Variants in PRELID2 observed in about 807,000 individuals in gnomAD.
PRELID2 encodes PRELI domain-containing protein 2.
In PRELID2, 25 loss-of-function variants were observed where a neutral mutation model predicts 28.4. That is an observed-to-expected ratio of 0.88 (90% CI 0.64 to 1.23). The LOEUF is 1.23. Ranked by LOEUF, PRELID2 falls within the 50% of genes most tolerant of loss-of-function variation. The probability of loss-of-function intolerance (pLI) is 0.00; values close to 1 mark genes in which losing one functional copy is unlikely to be tolerated. For missense variants in PRELID2, 201 were observed against 214.4 expected, an observed-to-expected ratio of 0.94 and a Z score of 0.39; for synonymous variants, 76 against 71.6, an observed-to-expected ratio of 1.06 and a Z score of -0.31.
chr5:145,803,607 A>G (rs968199225), intron 4 of PRELID2, among the ~76,000 whole-genome samples: 5 of 152,146 alleles, frequency 3.3e-5, no homozygotes, highest in African/African-American at 4.8e-5. Context: ...ACAAGGTTGA[A>G]TAAGGCAATA....
At chr5:145,819,853 C>T (rs893826114) in intron 3 of PRELID2, 92 bp downstream of exon 3, 41 of 805,674 alleles carry the variant, frequency 5.1e-5, no homozygotes, top group East Asian at 4.1e-4. Context: ...AAGTTTCTAA[C>T]GCTCCTTTAC....
chr5:145,376,656 C>T, the PRELID2 span, among the ~76,000 whole-genome samples: 24 of 152,122 alleles, frequency 1.6e-4, no homozygotes, highest in African/African-American at 5.8e-4. Context: ...TCCATTTCTT[C>T]TAGAGTTTTT....
intron 1 of PRELID2, among the ~76,000 whole-genome samples, chr5:145,747,443 C>T (rs1480731347): frequency 6.6e-6 from 1 of 152,054 alleles, no homozygotes; most frequent in Non-Finnish European, 1.5e-5. Context: ...GGATACATTC[C>T]TGGACACATA....
intron 6 of PRELID2, among the ~76,000 whole-genome samples, chr5:145,764,616 G>A (rs1757634331): frequency 6.6e-6 from 1 of 152,084 alleles, no homozygotes; most frequent in Non-Finnish European, 1.5e-5. Context: ...AAAACATTAA[G>A]CCTCAGTTAA....
At chr5:145,284,286 G>C in the PRELID2 span, among the ~76,000 whole-genome samples, 4 of 151,828 alleles carry the variant, frequency 2.6e-5, no homozygotes, top group Admixed American at 2.6e-4. Flanking sequence ...TTGCTTTTTT[G>C]TTTGTTTTCT....
chr5:145,580,909 C>T (rs932564119), intron 1 of PRELID2, among the ~76,000 whole-genome samples: 6 of 152,042 alleles, frequency 3.9e-5, no homozygotes, highest in Admixed American at 1.3e-4. Flanking sequence ...CTGCTTGAAA[C>T]CTTTCAATGA....
intron 1 of PRELID2, among the ~76,000 whole-genome samples, chr5:145,486,898 A>G (rs1752222895): frequency 6.7e-6 from 1 of 149,534 alleles, no homozygotes; most frequent in African/African-American, 2.5e-5. Flanking sequence ...ACACCATGGA[A>G]TACTATGCAG....
intron 4 of PRELID2, among the ~76,000 whole-genome samples, chr5:145,811,160 G>C (rs1021970670): frequency 7.1e-6 from 1 of 140,032 alleles, no homozygotes; most frequent in African/African-American, 2.6e-5. Context: ...ATCAGATCTC[G>C]TGAAACTTAT....
At chr5:145,781,561 T>C (rs1037774953) in intron 5 of PRELID2, among the ~76,000 whole-genome samples, 1 of 149,952 alleles carries the variant, frequency 6.7e-6, no homozygotes, top group African/African-American at 2.4e-5. Context: ...TATTTATATT[T>C]TTATATATGT....
chr5:145,507,724 T>A (rs1443129425), intron 1 of PRELID2, among the ~76,000 whole-genome samples: 3 of 152,144 alleles, frequency 2.0e-5, no homozygotes, highest in African/African-American at 7.2e-5. Flanking sequence ...CCGACAAGAC[T>A]GTCTCCACAT....
intron 1 of PRELID2, among the ~76,000 whole-genome samples, chr5:145,705,048 CG>C (rs1755508266): frequency 6.6e-6 from 1 of 152,086 alleles, no homozygotes; most frequent in Non-Finnish European, 1.5e-5. Context: ...AGGTGGTTTC[CG>C]TTACTTGCAA....
chr5:145,274,008 A>C, the PRELID2 span, among the ~76,000 whole-genome samples: 1 of 152,146 alleles, frequency 6.6e-6, no homozygotes, highest in Non-Finnish European at 1.5e-5. Flanking sequence ...CGTGATGAGG[A>C]TGGAGAGGTA....
intron 1 of PRELID2, among the ~76,000 whole-genome samples, chr5:145,635,645 T>G (rs530906611): frequency 1.3e-5 from 2 of 152,330 alleles, no homozygotes; most frequent in African/African-American, 4.8e-5. Context: ...TTTGGCCACT[T>G]TGAGTGTGCA....
At chr5:145,779,074 CT>C (rs1198240822) in intron 5 of PRELID2, among the ~76,000 whole-genome samples, 1 of 152,176 alleles carries the variant, frequency 6.6e-6, no homozygotes, top group Non-Finnish European at 1.5e-5. Flanking sequence ...GAAAGCGCCT[CT>C]GTTTTTAAGA....
At chr5:145,502,130 A>G (rs1752364660) in intron 1 of PRELID2, among the ~76,000 whole-genome samples, 2 of 152,094 alleles carry the variant, frequency 1.3e-5, no homozygotes, top group Non-Finnish European at 2.9e-5. Context: ...TGCAGGCTCT[A>G]CAGGAAGCAT....
At chr5:145,335,129 A>G in the PRELID2 span, among the ~76,000 whole-genome samples, 1 of 151,988 alleles carries the variant, frequency 6.6e-6, no homozygotes, top group Non-Finnish European at 1.5e-5. Flanking sequence ...GGTGTCCTAT[A>G]AATTCCATAA....
the PRELID2 span, among the ~76,000 whole-genome samples, chr5:145,363,742 G>T: frequency 6.6e-6 from 1 of 151,950 alleles, no homozygotes; most frequent in African/African-American, 2.4e-5. Context: ...TTCAAACAAT[G>T]TTGCCTTCCA....
the PRELID2 span, among the ~76,000 whole-genome samples, chr5:145,367,141 CTCTCA>C: frequency 0.071 from 10,835 of 151,714 alleles, 1,244 homozygotes; most frequent in African/African-American, 0.24. Flanking sequence ...TGATTCTTTT[CTCTCA>C]TCTCATCTTT....
intron 1 of PRELID2, among the ~76,000 whole-genome samples, chr5:145,517,143 T>G (rs1233072047): frequency 6.6e-6 from 1 of 152,164 alleles, no homozygotes; most frequent in Non-Finnish European, 1.5e-5. Context: ...AAATGGGATC[T>G]AATTAAACTA....
Sources: allele counts gnomAD v4.1 joint callset (sites outside exome capture counted in the v4.1 genomes callset), GRCh38; gene constraint gnomAD v4.1.1; transcripts MANE v1.5; gene names NCBI Gene and HGNC (gene_info 2026-07-23, HGNC 2026-07-21).